Variants in MICALL1 observed in about 807,000 individuals in gnomAD.
MICALL1 encodes MICAL-like protein 1.
A neutral mutation model predicts 83.7 loss-of-function variants in MICALL1; 61 were observed. The observed-to-expected ratio is 0.73, with a 90% CI of 0.59 to 0.90. MICALL1 has a LOEUF of 0.90. MICALL1 is among the 40% of genes least tolerant of loss of function. The pLI, the probability that MICALL1 is intolerant of heterozygous loss-of-function variation, is 0.00. For missense variants in MICALL1, 1,066 were observed against 1,152.0 expected (o/e 0.93, Z 1.08); for synonymous variants, 481 against 473.6 (o/e 1.02, Z -0.20).
At position 37,906,758 on chromosome 22, in the gene MICALL1, C is replaced by T; in HGVS notation, c.146+190C>T. 1.0e-5 allele frequency: 3 copies of T among 300,590 alleles called. No homozygotes were observed. Among genetic ancestry groups the T allele is most frequent in the Non-Finnish European group, 1.6e-5 (3 of 185,360 alleles). The allele number at this position is 300,590 out of a possible 1,614,324, so 18.6% of individuals were successfully genotyped here. On this transcript the variant is annotated intron_variant, in intron 1 of 15. Coordinates refer to ENST00000215957, the MANE Select transcript of MICALL1 (RefSeq NM_033386.4). The surrounding 1 kb of genome is among the most constrained non-coding windows in gnomAD (Gnocchi z 4.4). ...CCGGCCCAGGGCGCCCCTCCCCCGC[C>T]CGGCCGCCCTGACCCCGCCCGTGGG...
intron 13 of MICALL1, among the ~76,000 whole-genome samples, chr22:37,935,801 C>A (rs1930089613): frequency 6.6e-6 from 1 of 150,916 alleles, no homozygotes; most frequent in African/African-American, 2.4e-5. Context: ...GTGATCTGAG[C>A]TCACTGCAAC....
In MICALL1 at chr22:37,912,394, T is replaced by G. The variant is rs1413137401; in HGVS notation, c.239T>G (p.Leu80Arg). 1.3e-5 allele frequency: 21 copies of G among 1,613,922 alleles called. No individual in the cohort carries two copies. The highest frequency in any genetic ancestry group is 1.6e-4 in the Middle Eastern group (1 of 6,084). ...AAGGAGCTGGGGATCCCCGCTCTCC[T>G]GGACCCCAATGACATGGTCTCCATG... ...AEKELGIPALLDPNDMVSMSV... is the reference protein window; with the variant it reads ...AEKELGIPALRDPNDMVSMSV... The change falls in exon 3 of 16, where the codon CTG becomes CGG. Residue 80 changes from leucine to arginine, a missense_variant. Physicochemically the swap from Leu to Arg is moderately radical, Grantham distance 102. Transcript: ENST00000215957.
chr22:37,925,480 G>A (rs1338093316), intron 7 of MICALL1, among the ~76,000 whole-genome samples, 181 bp from the exon 8 acceptor site: 1 of 152,134 alleles, frequency 6.6e-6, no homozygotes, highest in East Asian at 1.9e-4. Context: ...CATTCTCTGG[G>A]CCTCAAAGGC....
At position 37,911,853 on chromosome 22, in the gene MICALL1, C is replaced by G. The variant is rs1928341507; in HGVS notation, c.147-99C>G. 5 of 1,187,030 alleles carry G rather than the reference C, an allele frequency of 4.2e-6. No individual in the cohort carries two copies. In the South Asian group the frequency reaches 6.2e-5, roughly 15 times the overall value. The allele number at this position is 1,187,030 out of a possible 1,614,324, so 73.5% of individuals were successfully genotyped here. A position where few individuals can be genotyped will look rare whatever the true frequency, so the allele number is the denominator to read the frequency against. ...CTGCTGAGGTTGATGCTGGCTGGGA[C>G]AAGGTCTTCTCTGTTCAGCTCCTTT... On this transcript the variant is annotated intron_variant, in intron 1 of 15. Coordinates refer to ENST00000215957, the MANE Select transcript of MICALL1 (RefSeq NM_033386.4).
At chr22:37,912,148 A>T in intron 2 of MICALL1, 148 bp downstream of exon 2, 1 of 1,140,968 alleles carries the variant, frequency 8.8e-7, no homozygotes, top group Non-Finnish European at 1.3e-6. Context: ...TCTGCTTCCC[A>T]CCAGCCTCCT....
intron 1 of MICALL1, among the ~76,000 whole-genome samples, chr22:37,911,127 C>T (rs1046919809): frequency 6.6e-6 from 1 of 152,190 alleles, no homozygotes; most frequent in African/African-American, 2.4e-5. Flanking sequence ...AGCCAGCTGT[C>T]CCGTGCTGGG....
intron 3 of MICALL1, among the ~76,000 whole-genome samples, chr22:37,916,857 T>G (rs905669665): frequency 6.6e-6 from 1 of 152,018 alleles, no homozygotes; most frequent in African/African-American, 2.4e-5. Context: ...CCAACCATAG[T>G]GTTATTGAAT....
chr22:37,909,214 G>A (rs977369217), intron 1 of MICALL1, among the ~76,000 whole-genome samples: 3 of 152,046 alleles, frequency 2.0e-5, no homozygotes, highest in Admixed American at 6.6e-5. Context: ...CACCATGCCT[G>A]GCTAATTTTT....
At chr22:37,938,453 T>C (rs1308541965) in intron 15 of MICALL1, among the ~76,000 whole-genome samples, 2 of 150,150 alleles carry the variant, frequency 1.3e-5, no homozygotes, top group Non-Finnish European at 3.0e-5. Flanking sequence ...ATTTTTTTTC[T>C]TTTCTTTTTT....
At chr22:37,918,975 G>A in intron 4 of MICALL1, 61 bp from the exon 5 acceptor site, 1 of 1,470,342 alleles carries the variant, frequency 6.8e-7, no homozygotes, top group Non-Finnish European at 9.1e-7. Flanking sequence ...GGGCAGTGAT[G>A]TGAACAGGAT....
At chr22:37,923,036 A>G (rs1929195765) in intron 6 of MICALL1, among the ~76,000 whole-genome samples, 1 of 151,696 alleles carries the variant, frequency 6.6e-6, no homozygotes, top group Admixed American at 6.6e-5. Flanking sequence ...CCCGGCTTCA[A>G]TCAGTTATCC....
At position 37,932,336 on chromosome 22, in the gene MICALL1, C is replaced by T. The variant is rs916349263; in HGVS notation, c.2017-217C>T. 3.3e-5 allele frequency among the ~76,000 whole-genome samples: 5 copies of T among 152,208 alleles called. No individual in the cohort carries two copies. The highest frequency in any genetic ancestry group is 1.2e-4 in the African/African-American group (5 of 41,460). On this transcript the variant is annotated intron_variant, in intron 10 of 15. Transcript: ENST00000215957. This position sits in a 1 kb window ranked among gnomAD's most constrained non-coding sequence, Gnocchi z 4.4. ...GAAGGGCAGGGAGTCATGCCACCTT[C>T]TGGAGTGTCTGTTGGTGCTGGGACC... is the stretch of plus-strand genomic sequence containing the variant.
intron 15 of MICALL1, among the ~76,000 whole-genome samples, chr22:37,939,738 C>T (rs1444469581): frequency 7.9e-6 from 1 of 126,702 alleles, no homozygotes. Context: ...CGTGCCACTG[C>T]ATTCCAGCCT....
At chr22:37,923,055 C>G (rs1365440055) in intron 6 of MICALL1, among the ~76,000 whole-genome samples, 1 of 151,978 alleles carries the variant, frequency 6.6e-6, no homozygotes, top group African/African-American at 2.4e-5. Flanking sequence ...CCTGCCTCAG[C>G]CTCTTGAGTA....
At chr22:37,934,822 T>C (rs1035895410) in intron 13 of MICALL1, among the ~76,000 whole-genome samples, 41 of 151,108 alleles carry the variant, frequency 2.7e-4, no homozygotes, top group Non-Finnish European at 4.9e-4. Context: ...GGTCTCGATC[T>C]CCTGACCTTG....
chr22:37,916,101 G>A (rs1351175436), intron 3 of MICALL1, among the ~76,000 whole-genome samples: 1 of 151,938 alleles, frequency 6.6e-6, no homozygotes, highest in Non-Finnish European at 1.5e-5. Flanking sequence ...GGTGGGTGGG[G>A]TGTGGGCAGC....
chr22:37,927,233 C>T lies in MICALL1; in HGVS notation c.1466-178C>T, dbSNP rs1013401518. The T allele has an allele frequency of 8.6e-6, 6 of 694,524 alleles. No individual in the cohort carries two copies. In the African/African-American group the frequency reaches 8.9e-5, roughly 10 times the overall value. 43.0% of individuals were successfully genotyped at this position (694,524 alleles called of 1,614,324 possible). A position where few individuals can be genotyped will look rare whatever the true frequency, so the allele number is the denominator to read the frequency against. The stretch of plus-strand genomic sequence containing the variant: ...GGTTGGACTCGGGTGGCTGGATGCA[C>T]CTCATGACTTCCGTCCTGCCGGGCG... On this transcript the variant is annotated intron_variant, in intron 8 of 15. Coordinates refer to ENST00000215957, the MANE Select transcript of MICALL1 (RefSeq NM_033386.4).
chr22:37,922,648 C>T (rs1286963183), intron 6 of MICALL1, among the ~76,000 whole-genome samples: 2 of 98,710 alleles, frequency 2.0e-5, no homozygotes, highest in Non-Finnish European at 2.0e-5. Context: ...TTGCTCTTGT[C>T]CCCCAGGCTG....
intron 1 of MICALL1, among the ~76,000 whole-genome samples, chr22:37,911,078 GT>G (rs1368239275): frequency 1.3e-5 from 2 of 152,218 alleles, no homozygotes; most frequent in East Asian, 3.9e-4. Context: ...GCGGCCTGGA[GT>G]GGGGAGGGAG....
Sources: gnomAD v4.1 joint callset for allele counts (sites outside exome capture counted in the v4.1 genomes callset) on GRCh38, gnomAD v4.1.1 for gene constraint, Gnocchi (gnomAD v3.1) non-coding constraint, MANE v1.5 for transcripts, NCBI Gene and HGNC (gene_info 2026-07-23, HGNC 2026-07-21) for gene names.